Variants in FBXW2 observed in about 807,000 individuals in gnomAD.
FBXW2 encodes F-box and WD repeat domain containing 2, also known as F-box/WD repeat-containing protein 2.
FBXW2 carries 12 observed loss-of-function variants against 46.0 expected under a neutral mutation model. The observed-to-expected ratio is 0.26, with a 90% CI of 0.17 to 0.42. The LOEUF (loss-of-function observed/expected upper bound fraction) is 0.42, where lower values mean the gene tolerates loss of function less well. FBXW2 is among the 10% of genes least tolerant of loss of function. The pLI, the probability that FBXW2 is intolerant of heterozygous loss-of-function variation, is 1.00. For synonymous variants in FBXW2, 203 were observed against 209.6 expected (o/e 0.97, Z 0.27); for missense variants, 360 against 537.0 (o/e 0.67, Z 3.26).
chr9:120,759,777 G>C lies in FBXW2; in HGVS notation c.*4782C>G, dbSNP rs183012929. 2 of 152,300 alleles carry C rather than the reference G, an allele frequency of 1.3e-5. No individual in the cohort carries two copies. The highest frequency in any genetic ancestry group is 1.3e-4 in the Admixed American group (2 of 15,294). 9.4% of individuals were successfully genotyped at this position (152,300 alleles called of 1,614,324 possible). On this transcript the variant is annotated 3_prime_UTR_variant, in exon 8 of 8. Transcript: ENST00000608872. ...TCTTTAGGCTGCAATAATTAAGTGG[G>C]TTTACACTGGTCAGGATTGAATTAC...
chr9:120,764,963 T>G (rs1196026999), intron 7 of FBXW2, 116 bp from the exon 8 acceptor site: 6 of 867,664 alleles, frequency 6.9e-6, no homozygotes, highest in Non-Finnish European at 1.0e-5. Context: ...AATTTAGAGT[T>G]AAATGTTTTT....
chr9:120,772,826 C>T lies in FBXW2; in HGVS notation c.834G>A (p.Lys278=), dbSNP rs1326072695. 6.2e-7 allele frequency: 1 copy of T among 1,611,664 alleles called. No homozygotes were observed. The highest frequency in any genetic ancestry group is 1.3e-5 in the African/African-American group (1 of 74,818). Residue 278 remains lysine (K), a synonymous_variant, in exon 6 of 8, where the codon AAG becomes AAA. Coordinates refer to ENST00000608872, the MANE Select transcript of FBXW2 (RefSeq NM_012164.4). ...TEWVTKVVLQ[K]CKVKSLLHSP... ...TGTGCAAGAGAGACTTGACTTTGCACTTCTGCAAAACTACCTGCAAATGTA... is the reference window on the plus strand; with the variant it reads ...TGTGCAAGAGAGACTTGACTTTGCATTTCTGCAAAACTACCTGCAAATGTA...
chr9:120,767,392 C>CA (rs1158503071), intron 7 of FBXW2, among the ~76,000 whole-genome samples: 2 of 152,114 alleles, frequency 1.3e-5, no homozygotes, highest in African/African-American at 2.4e-5. Flanking sequence ...TGAGAACATC[C>CA]AAAATCAATC....
Position 120,787,758 on chromosome 9 carries a change from A to G in FBXW2, c.490+11T>C. 1 of 1,590,022 alleles carries G rather than the reference A, an allele frequency of 6.3e-7. No individual in the cohort carries two copies. Among genetic ancestry groups the G allele is most frequent in the Non-Finnish European group, 8.5e-7 (1 of 1,171,052 alleles). On this transcript the variant is annotated intron_variant, in intron 3 of 7. Coordinates refer to ENST00000608872, the MANE Select transcript of FBXW2 (RefSeq NM_012164.4). The stretch of plus-strand genomic sequence containing the variant: ...AAACAAAACCCAAAAAGCAGTTTCA[A>G]CATCTCTTACCTGTACAGAGAAGTC...
intron 2 of FBXW2, 37 bp downstream of exon 2, chr9:120,793,112 C>G: frequency 1.4e-6 from 1 of 699,432 alleles, no homozygotes; most frequent in Non-Finnish European, 2.4e-6. Flanking sequence ...GCTCCCAGGT[C>G]CCTTGCTCTC....
chr9:120,787,797 A>G lies in FBXW2; in HGVS notation c.462T>C (p.Leu154=), dbSNP rs374513859. 9 of 1,613,880 alleles carry G rather than the reference A, an allele frequency of 5.6e-6. No homozygotes were observed. The highest frequency in any genetic ancestry group is 1.3e-5 in the African/African-American group (1 of 75,024). Residue 154 remains leucine, a synonymous_variant, in exon 3 of 8, where the codon CTT becomes CTC. Coordinates refer to ENST00000608872, the MANE Select transcript of FBXW2 (RefSeq NM_012164.4). Reference sequence around the variant, plus strand: ...TACAGAGAAGTCCATCTTTGTAGTAAAGTGCATACACTCTGGCACTGTGTC... The same window carrying G: ...TACAGAGAAGTCCATCTTTGTAGTAGAGTGCATACACTCTGGCACTGTGTC... ...LIGHSARVYA[L]YYKDGLLCTG... is the part of the protein sequence containing the mutation.
intron 3 of FBXW2, among the ~76,000 whole-genome samples, chr9:120,781,088 A>C (rs1288510273): frequency 6.6e-6 from 1 of 152,156 alleles, no homozygotes; most frequent in Non-Finnish European, 1.5e-5. Context: ...AGGATGAATA[A>C]GTTAGCCAGG....
intron 7 of FBXW2, among the ~76,000 whole-genome samples, 180 bp from the exon 8 acceptor site, chr9:120,765,027 G>A (rs1188920028): frequency 6.6e-6 from 1 of 151,886 alleles, no homozygotes; most frequent in East Asian, 1.9e-4. Flanking sequence ...AAAAAGCCGG[G>A]AGCGGGAGAG....
At position 120,787,934 on chromosome 9, in the gene FBXW2, T is replaced by C; in HGVS notation, c.325A>G (p.Ile109Val). 2 of 1,614,230 alleles carry C rather than the reference T, an allele frequency of 1.2e-6. No individual in the cohort carries two copies. The highest frequency in any genetic ancestry group is 8.5e-7 in the Non-Finnish European group (1 of 1,180,046). ...QTACKNLGWQ[I>V]DDSVQDALHW... ...AAAGCGTCCTGAACAGAATCATCTA[T>C]CTGCCAGCCCAAATTTTTACATGCA... Residue 109 changes from isoleucine (I) to valine (V), a missense_variant, in exon 3 of 8, where the codon ATA becomes GTA. By Grantham distance (29) the Ile-to-Val change is conservative. Coordinates refer to ENST00000608872, the MANE Select transcript of FBXW2 (RefSeq NM_012164.4).
chr9:120,789,429 A>T (rs995874156), intron 2 of FBXW2, among the ~76,000 whole-genome samples: 1 of 152,236 alleles, frequency 6.6e-6, no homozygotes, highest in Non-Finnish European at 1.5e-5. Flanking sequence ...CTTAATGAGG[A>T]TTAGACTAAT....
intron 3 of FBXW2, among the ~76,000 whole-genome samples, chr9:120,782,389 C>T (rs751559919): frequency 8.6e-5 from 13 of 151,924 alleles, no homozygotes; most frequent in Admixed American, 1.3e-4. Flanking sequence ...TCGCTTGAAC[C>T]TGGGAGGTGA....
intron 2 of FBXW2, chr9:120,792,759 A>G (rs2044875644): frequency 1.5e-6 from 1 of 670,832 alleles, no homozygotes; most frequent in Non-Finnish European, 2.2e-6. Flanking sequence ...TAAACAAGAC[A>G]GTGCAAGTAA....
chr9:120,768,235 G>A (rs1300938765), intron 7 of FBXW2, among the ~76,000 whole-genome samples: 1 of 152,134 alleles, frequency 6.6e-6, no homozygotes, highest in Non-Finnish European at 1.5e-5. Context: ...CAGCCCAAAT[G>A]TCTCCTCTTA....
intron 3 of FBXW2, among the ~76,000 whole-genome samples, chr9:120,786,932 C>T (rs1465080912): frequency 6.6e-6 from 1 of 151,984 alleles, no homozygotes; most frequent in Non-Finnish European, 1.5e-5. Context: ...AAAAAATATC[C>T]AGCTCTCTCT....
chr9:120,757,265 C>G lies in FBXW2; in HGVS notation c.*7294G>C, dbSNP rs970450836. 9 of 152,148 alleles carry G rather than the reference C, an allele frequency of 5.9e-5. No homozygotes were observed. The highest frequency in any genetic ancestry group is 1.0e-4 in the Non-Finnish European group (7 of 68,010). The allele number at this position is 152,148 out of a possible 1,614,324, so 9.4% of individuals were successfully genotyped here. ...GCAAACATGTTTAGAAATGTTCTTT[C>G]TTGACTCGGGCAGTGGTTAGACAAG... On this transcript the variant is annotated 3_prime_UTR_variant, in exon 8 of 8. Coordinates refer to ENST00000608872, the MANE Select transcript of FBXW2 (RefSeq NM_012164.4).
chr9:120,778,072 GGAGAGAGAGAATGAGA>G (rs1489403381), intron 4 of FBXW2, among the ~76,000 whole-genome samples: 2 of 151,774 alleles, frequency 1.3e-5, no homozygotes, highest in African/African-American at 4.8e-5. Flanking sequence ...ACAGGAGGGG[GGAGAGAGAGAATGAGA>G]GAGAGAGAGA....
chr9:120,765,543 T>C (rs1272366396), intron 7 of FBXW2, among the ~76,000 whole-genome samples: 1 of 152,180 alleles, frequency 6.6e-6, no homozygotes, highest in Non-Finnish European at 1.5e-5. Context: ...ATTTGTCAGT[T>C]ACCAGTGAGA....
rs757085775 is a variant in FBXW2, at chr9:120,776,118, G to T, written c.794C>A (p.Thr265Asn). Reference sequence around the variant, plus strand: ...CTTGGTGACCCATTCCGTGTGCCCGGTGAGTGTGTTCAGGCATGTCCCAGC... The same window carrying T: ...CTTGGTGACCCATTCCGTGTGCCCGTTGAGTGTGTTCAGGCATGTCCCAGC... ...LSAGTCLNTL[T>N]GHTEWVTKVV... is the part of the protein sequence containing the mutation. The change falls in exon 5 of 8, where the codon ACC (threonine) becomes AAC (asparagine). Residue 265 changes from threonine to asparagine, a missense_variant. By Grantham distance (65) the Thr-to-Asn change is moderately conservative. Transcript: ENST00000608872. The T allele has an allele frequency of 6.2e-7, 1 of 1,613,958 alleles. No individual in the cohort carries two copies. The highest frequency in any genetic ancestry group is 8.5e-7 in the Non-Finnish European group (1 of 1,179,970).
intron 3 of FBXW2, among the ~76,000 whole-genome samples, chr9:120,783,411 C>T (rs1260868435): frequency 6.6e-6 from 1 of 151,854 alleles, no homozygotes; most frequent in Non-Finnish European, 1.5e-5. Flanking sequence ...TCACACTGCA[C>T]GAAAGAAAAA....
Sources: allele counts gnomAD v4.1 joint callset (sites outside exome capture counted in the v4.1 genomes callset), GRCh38; gene constraint gnomAD v4.1.1; transcripts MANE v1.5; gene names NCBI Gene and HGNC (gene_info 2026-07-23, HGNC 2026-07-21).